MCC: variants seen among roughly 807,000 people sequenced by gnomAD.
MCC encodes colorectal mutant cancer protein.
A neutral mutation model predicts 116.2 loss-of-function variants in MCC; 90 were observed. The observed-to-expected ratio is 0.77, with a 90% CI of 0.65 to 0.92. The LOEUF (loss-of-function observed/expected upper bound fraction) is 0.92, where lower values mean the gene tolerates loss of function less well. Ranked by LOEUF, MCC falls within the 40% of genes least tolerant of loss-of-function variation. The probability of loss-of-function intolerance (pLI) is 0.00; values close to 1 mark genes in which losing one functional copy is unlikely to be tolerated. For synonymous variants in MCC, 578 were observed against 510.5 expected (o/e 1.13, Z -1.78); for missense variants, 1,516 against 1,312.2 (o/e 1.16, Z -2.40).
chr5:113,121,226 T>C (rs748413051), intron 6 of MCC, among the ~76,000 whole-genome samples: 1 of 152,236 alleles, frequency 6.6e-6, no homozygotes, highest in African/African-American at 2.4e-5. Context: ...TCATTCTTCA[T>C]CTATGGATTC....
chr5:113,222,773 AG>A (rs1275183921), intron 3 of MCC, among the ~76,000 whole-genome samples: 1 of 152,204 alleles, frequency 6.6e-6, no homozygotes, highest in East Asian at 1.9e-4. Flanking sequence ...GGAATGCAAA[AG>A]TGACCAAGAT....
At chr5:113,197,459 T>C (rs1293764448) in intron 3 of MCC, among the ~76,000 whole-genome samples, 3 of 152,206 alleles carry the variant, frequency 2.0e-5, no homozygotes, top group Admixed American at 6.5e-5. Flanking sequence ...TAAAAACCAC[T>C]GGATTGTACA....
chr5:113,387,166 C>T (rs965905241), intron 1 of MCC, among the ~76,000 whole-genome samples: 1 of 152,064 alleles, frequency 6.6e-6, no homozygotes, highest in Admixed American at 6.6e-5. Flanking sequence ...AACAAGCCAC[C>T]CCAATCTATC....
At chr5:113,318,960 G>A (rs1325956463) in intron 3 of MCC, among the ~76,000 whole-genome samples, 1 of 152,084 alleles carries the variant, frequency 6.6e-6, no homozygotes, top group Non-Finnish European at 1.5e-5. Context: ...TCCACCTCCT[G>A]GGCTCAAGTG....
intron 3 of MCC, among the ~76,000 whole-genome samples, chr5:113,242,363 A>T (rs1211303699): frequency 6.6e-6 from 1 of 152,198 alleles, no homozygotes; most frequent in Non-Finnish European, 1.5e-5. Context: ...ACACCACTTT[A>T]GGAGGAGGAA....
At chr5:113,057,564 G>A (rs1752916681) in intron 14 of MCC, among the ~76,000 whole-genome samples, 1 of 152,214 alleles carries the variant, frequency 6.6e-6, no homozygotes. Context: ...ATTCCACAGT[G>A]AAATGAGGCA....
At chr5:113,448,968 G>C (rs184122912) in intron 1 of MCC, among the ~76,000 whole-genome samples, 136 of 152,248 alleles carry the variant, frequency 8.9e-4, no homozygotes, top group Non-Finnish European at 1.3e-3. Context: ...ACTATATATT[G>C]CATGAATCAG....
chr5:113,168,000 A>G (rs73244731), intron 3 of MCC, among the ~76,000 whole-genome samples: 160 of 152,312 alleles, frequency 1.1e-3, no homozygotes, highest in African/African-American at 3.7e-3. Flanking sequence ...AACATTAACA[A>G]TTGAACCTAT....
intron 3 of MCC, among the ~76,000 whole-genome samples, chr5:113,170,008 T>C (rs142944308): frequency 3.1e-4 from 47 of 152,322 alleles, no homozygotes; most frequent in African/African-American, 1.1e-3. Context: ...AAGTACATGA[T>C]ACCTCAGCTA....
intron 3 of MCC, among the ~76,000 whole-genome samples, chr5:113,190,377 T>C (rs1276799633): frequency 6.6e-6 from 1 of 152,226 alleles, no homozygotes; most frequent in Non-Finnish European, 1.5e-5. Context: ...CCAGGCTCTC[T>C]GGCCTACATA....
At chr5:113,191,621 G>A (rs898577653) in intron 3 of MCC, among the ~76,000 whole-genome samples, 3 of 152,176 alleles carry the variant, frequency 2.0e-5, no homozygotes, top group Admixed American at 1.3e-4. Flanking sequence ...AGGTTTCCTC[G>A]CCACATCTCC....
intron 3 of MCC, among the ~76,000 whole-genome samples, chr5:113,232,728 T>A (rs146929326): frequency 1.1e-3 from 167 of 152,264 alleles, no homozygotes; most frequent in African/African-American, 3.9e-3. Flanking sequence ...ATAATTAATA[T>A]AATATTTATA....
intron 1 of MCC, among the ~76,000 whole-genome samples, chr5:113,468,557 T>C (rs2150429635): frequency 6.6e-6 from 1 of 152,300 alleles, no homozygotes; most frequent in Non-Finnish European, 1.5e-5. Flanking sequence ...GGATAAGCTT[T>C]TTGATGTGCT....
intron 6 of MCC, among the ~76,000 whole-genome samples, chr5:113,107,672 C>T (rs2150258983): frequency 6.6e-6 from 1 of 152,316 alleles, no homozygotes; most frequent in African/African-American, 2.4e-5. Context: ...TGTGAATCCG[C>T]TGTCCTGAGT....
At chr5:113,078,798 G>A (rs751849326) in intron 11 of MCC, among the ~76,000 whole-genome samples, 4 of 152,208 alleles carry the variant, frequency 2.6e-5, no homozygotes, top group Non-Finnish European at 4.4e-5. Flanking sequence ...AGTGTTGGAA[G>A]TTCTGGCCAG....
chr5:113,303,495 G>C (rs1369528407), intron 3 of MCC, among the ~76,000 whole-genome samples: 2 of 152,304 alleles, frequency 1.3e-5, no homozygotes, highest in African/African-American at 4.8e-5. Flanking sequence ...ACCTGTGTGG[G>C]ATGCTGCTGA....
chr5:113,336,814 C>T (rs1258974200), intron 3 of MCC, among the ~76,000 whole-genome samples: 2 of 152,100 alleles, frequency 1.3e-5, no homozygotes, highest in African/African-American at 2.4e-5. Context: ...GCATTGTGAA[C>T]GGTATGTTAA....
At chr5:113,482,385 G>C (rs1230216487) in intron 1 of MCC, among the ~76,000 whole-genome samples, 1 of 152,140 alleles carries the variant, frequency 6.6e-6, no homozygotes, top group Non-Finnish European at 1.5e-5. Flanking sequence ...CGGCAATATA[G>C]AAGGGTTCTG....
chr5:113,370,140 T>A (rs1768801902), intron 2 of MCC, among the ~76,000 whole-genome samples: 1 of 152,164 alleles, frequency 6.6e-6, no homozygotes, highest in Non-Finnish European at 1.5e-5. Context: ...AACCTCTTAT[T>A]CTACACAGTT....
Sources: allele counts gnomAD v4.1 joint callset (sites outside exome capture counted in the v4.1 genomes callset), GRCh38; gene constraint gnomAD v4.1.1; transcripts MANE v1.5; gene names NCBI Gene and HGNC (gene_info 2026-07-23, HGNC 2026-07-21).